ALCAM: variants seen among roughly 807,000 people sequenced by gnomAD.
The protein encoded by ALCAM is CD166 antigen.
Under a neutral mutation model 70.9 loss-of-function variants are expected in ALCAM, and 30 were observed. The ratio of observed to expected loss-of-function variants is 0.42; its 90% CI spans 0.32 to 0.57. ALCAM has a LOEUF of 0.57. Ranked by LOEUF, ALCAM falls within the 20% of genes least tolerant of loss-of-function variation. The pLI is 0.11. For missense variants in ALCAM, 591 were observed against 695.1 expected (o/e 0.85, Z 1.68); for synonymous variants, 249 against 242.5 (o/e 1.03, Z -0.25).
At chr3:105,512,103 G>T (rs1377310739) in intron 1 of ALCAM, among the ~76,000 whole-genome samples, 1 of 152,008 alleles carries the variant, frequency 6.6e-6, no homozygotes, top group Non-Finnish European at 1.5e-5. Flanking sequence ...AAAGCATTTT[G>T]AGGGATATTA....
chr3:105,523,905 C>T (rs1049652897), intron 2 of ALCAM, among the ~76,000 whole-genome samples: 4 of 152,056 alleles, frequency 2.6e-5, no homozygotes, highest in African/African-American at 7.2e-5. Flanking sequence ...ATATCCAAAC[C>T]AGTATTTGCA....
At chr3:105,397,563 G>A (rs1028849364) in intron 1 of ALCAM, among the ~76,000 whole-genome samples, 1 of 151,716 alleles carries the variant, frequency 6.6e-6, no homozygotes, top group African/African-American at 2.4e-5. Context: ...TTCATGAATA[G>A]GTAGTAGATT....
chr3:105,539,961 T>C lies in ALCAM; in HGVS notation c.731-14T>C. 6.2e-7 allele frequency: 1 copy of C among 1,610,336 alleles called. No individual in the cohort carries two copies. The highest frequency in any genetic ancestry group is 8.5e-7 in the Non-Finnish European group (1 of 1,177,726). Reference sequence around the variant, plus strand: ...TTGACAAAAATGGTTAACTTGTGTCTGTAACTCTTACAGATCCTACAGAGC... The same window carrying C: ...TTGACAAAAATGGTTAACTTGTGTCCGTAACTCTTACAGATCCTACAGAGC... On this transcript the variant is annotated splice_polypyrimidine_tract_variant and intron_variant, in intron 6 of 15. Coordinates refer to ENST00000306107, the MANE Select transcript of ALCAM (RefSeq NM_001627.4).
intron 3 of ALCAM, among the ~76,000 whole-genome samples, chr3:105,528,698 AGAG>A (rs1939767421): frequency 6.6e-6 from 1 of 152,132 alleles, no homozygotes; most frequent in Admixed American, 6.5e-5. Flanking sequence ...ATGGGCACAT[AGAG>A]GAGAACAACA....
At chr3:105,382,606 T>G (rs1935550909) in intron 1 of ALCAM, among the ~76,000 whole-genome samples, 1 of 151,970 alleles carries the variant, frequency 6.6e-6, no homozygotes, top group East Asian at 1.9e-4. Flanking sequence ...CACCTGTTGT[T>G]TCCTGACTTT....
chr3:105,534,384 C>T (rs1292016027), intron 5 of ALCAM, among the ~76,000 whole-genome samples: 1 of 152,002 alleles, frequency 6.6e-6, no homozygotes, highest in Non-Finnish European at 1.5e-5. Context: ...CATTTTCAGC[C>T]CTTGTACAGA....
intron 1 of ALCAM, among the ~76,000 whole-genome samples, chr3:105,480,891 A>C (rs1938252285): frequency 6.6e-6 from 1 of 151,976 alleles, no homozygotes; most frequent in African/African-American, 2.4e-5. Context: ...TTTCTAGGGG[A>C]TTCTTTCCTT....
chr3:105,390,041 G>A (rs991010740), intron 1 of ALCAM, among the ~76,000 whole-genome samples: 1 of 151,734 alleles, frequency 6.6e-6, no homozygotes, highest in Non-Finnish European at 1.5e-5. Flanking sequence ...GTGCTGCAAT[G>A]ATCATACCTG....
chr3:105,428,581 A>T (rs1470703822), intron 1 of ALCAM, among the ~76,000 whole-genome samples: 4 of 151,958 alleles, frequency 2.6e-5, no homozygotes, highest in African/African-American at 9.7e-5. Flanking sequence ...GCAAAGATAG[A>T]CATTACAGTC....
chr3:105,496,885 T>C (rs2152613947), intron 1 of ALCAM, among the ~76,000 whole-genome samples: 1 of 151,284 alleles, frequency 6.6e-6, no homozygotes, highest in Admixed American at 6.6e-5. Context: ...TGGTGGAACG[T>C]ACAGAAAAGA....
At chr3:105,530,501 T>A (rs957551846) in intron 3 of ALCAM, among the ~76,000 whole-genome samples, 1 of 151,994 alleles carries the variant, frequency 6.6e-6, no homozygotes, top group Admixed American at 6.6e-5. Context: ...GTGTCACTTC[T>A]AGTTTGTGTT....
At chr3:105,531,384 A>G (rs1359211392) in intron 3 of ALCAM, 2 of 152,172 alleles carry the variant, frequency 1.3e-5, no homozygotes, top group Non-Finnish European at 2.9e-5. Context: ...TAAGAGGTAA[A>G]GTTAGAGATA....
At chr3:105,401,183 CCA>C (rs1450434240) in intron 1 of ALCAM, among the ~76,000 whole-genome samples, 1 of 152,186 alleles carries the variant, frequency 6.6e-6, no homozygotes, top group Non-Finnish European at 1.5e-5. Flanking sequence ...CAAGGAACAC[CCA>C]CACCTTAGTA....
intron 1 of ALCAM, among the ~76,000 whole-genome samples, chr3:105,381,045 T>C (rs982150155): frequency 6.6e-6 from 1 of 151,912 alleles, no homozygotes; most frequent in African/African-American, 2.4e-5. Context: ...TTGGGTGGCA[T>C]TGGGGAAGTT....
chr3:105,388,111 CAAGG>C (rs1935703811), intron 1 of ALCAM, among the ~76,000 whole-genome samples: 1 of 151,350 alleles, frequency 6.6e-6, no homozygotes, highest in Admixed American at 6.6e-5. Context: ...AATAAAAAGA[CAAGG>C]AAGTACAACC....
chr3:105,410,438 C>T (rs576357255), intron 1 of ALCAM, among the ~76,000 whole-genome samples: 53 of 152,084 alleles, frequency 3.5e-4, no homozygotes, highest in Non-Finnish European at 6.3e-4. Context: ...TGTTCATGTA[C>T]GTGTGTATGT....
chr3:105,530,634 T>C lies in ALCAM; in HGVS notation c.395-1368T>C, dbSNP rs775101112. Among the ~76,000 whole-genome samples the C allele has an allele frequency of 1.8e-3, 268 of 152,178 alleles. 2 individuals are homozygous for C. The highest frequency in any genetic ancestry group is 3.4e-3 in the Non-Finnish European group (233 of 67,926). On this transcript the variant is annotated intron_variant, in intron 3 of 15. Transcript: ENST00000306107. ...AAACTAGAAATCATCATTGTGAAAA[T>C]TGTATTTGTGGAATTATATTTCTAG...
chr3:105,494,285 T>C (rs1938675419), intron 1 of ALCAM, among the ~76,000 whole-genome samples: 1 of 152,212 alleles, frequency 6.6e-6, no homozygotes, highest in African/African-American at 2.4e-5. Context: ...CAGTATAAAG[T>C]CATCAGTTTT....
chr3:105,445,470 G>GA (rs576778731), intron 1 of ALCAM, among the ~76,000 whole-genome samples: 3 of 151,938 alleles, frequency 2.0e-5, no homozygotes, highest in Non-Finnish European at 4.4e-5. Context: ...CACAGAAATA[G>GA]AAAAAAATAC....
Sources: allele counts gnomAD v4.1 joint callset (sites outside exome capture counted in the v4.1 genomes callset), GRCh38; gene constraint gnomAD v4.1.1; transcripts MANE v1.5; gene names NCBI Gene and HGNC (gene_info 2026-07-23, HGNC 2026-07-21).